The following CFAP61 variants were observed in gnomAD, a reference collection of about 807,000 sequenced individuals.
The protein encoded by CFAP61 is cilia and flagella associated protein 61, also known as cilia- and flagella-associated protein 61.
CFAP61 carries 107 observed loss-of-function variants against 135.6 expected under a neutral mutation model. The ratio of observed to expected loss-of-function variants is 0.79; its 90% CI spans 0.67 to 0.93. The LOEUF is 0.93. CFAP61 is among the 40% of genes least tolerant of loss of function. The pLI is 0.00. For missense variants in CFAP61, 1,507 were observed against 1,556.2 expected (o/e 0.97, Z 0.53); for synonymous variants, 575 against 578.5 (o/e 0.99, Z 0.09).
intron 25 of CFAP61, among the ~76,000 whole-genome samples, chr20:20,335,290 T>G (rs536293038): frequency 6.6e-6 from 1 of 152,334 alleles, no homozygotes; most frequent in Admixed American, 6.5e-5. Context: ...TTTCATAAAT[T>G]TAAGAAAAGA....
intron 13 of CFAP61, among the ~76,000 whole-genome samples, chr20:20,186,680 T>C (rs1236803525): frequency 6.6e-6 from 1 of 152,222 alleles, no homozygotes; most frequent in Admixed American, 6.5e-5. Flanking sequence ...ATTGTTCATC[T>C]TTTTATTAGT....
chr20:20,225,220 T>G (rs937428916), intron 17 of CFAP61: 2 of 152,200 alleles, frequency 1.3e-5, no homozygotes, highest in Non-Finnish European at 2.9e-5. Flanking sequence ...GTTTCCAGGC[T>G]GGGAAGAATT....
intron 25 of CFAP61, among the ~76,000 whole-genome samples, chr20:20,341,021 G>C (rs539231443): frequency 6.6e-6 from 1 of 152,194 alleles, no homozygotes; most frequent in South Asian, 2.1e-4. Flanking sequence ...GCCCATTCAC[G>C]TGGGGGCACC....
At chr20:20,205,516 A>G (rs747525332) in intron 17 of CFAP61, among the ~76,000 whole-genome samples, 1 of 152,250 alleles carries the variant, frequency 6.6e-6, no homozygotes, top group Non-Finnish European at 1.5e-5. Context: ...GAAAAGGAAT[A>G]TGGCTTGATA....
chr20:20,353,146 TG>T (rs2058908293), intron 26 of CFAP61, among the ~76,000 whole-genome samples: 1 of 152,210 alleles, frequency 6.6e-6, no homozygotes. Flanking sequence ...GTAACATTGA[TG>T]AGGAAAACAA....
intron 25 of CFAP61, among the ~76,000 whole-genome samples, chr20:20,310,136 G>A (rs1428057245): frequency 1.3e-5 from 2 of 152,090 alleles, no homozygotes; most frequent in African/African-American, 4.8e-5. Flanking sequence ...CTGGGTAGCA[G>A]GCATGTGCTA....
At chr20:20,299,850 CTG>C (rs2055940808) in intron 25 of CFAP61, among the ~76,000 whole-genome samples, 1 of 152,216 alleles carries the variant, frequency 6.6e-6, no homozygotes, top group African/African-American at 2.4e-5. Flanking sequence ...GTTGTGAACA[CTG>C]TGGACGTACT....
chr20:20,154,417 C>T (rs1385859756), intron 9 of CFAP61, among the ~76,000 whole-genome samples: 6 of 152,048 alleles, frequency 3.9e-5, no homozygotes, highest in East Asian at 1.9e-4. Flanking sequence ...GGCCAACTGT[C>T]GCTATTCACT....
intron 26 of CFAP61, among the ~76,000 whole-genome samples, chr20:20,348,817 CT>C (rs1388869296): frequency 9.7e-6 from 1 of 103,452 alleles, no homozygotes; most frequent in Non-Finnish European, 2.1e-5. Flanking sequence ...AAAAAACAAA[CT>C]GTCAATAGAA....
chr20:20,293,561 C>T (rs1291064227), intron 24 of CFAP61, among the ~76,000 whole-genome samples: 2 of 152,072 alleles, frequency 1.3e-5, no homozygotes, highest in Non-Finnish European at 2.9e-5. Flanking sequence ...AAGAATGGAG[C>T]CCATTGAACA....
At position 20,059,531 on chromosome 20, in the gene CFAP61, T is replaced by C. The variant is rs532681470; in HGVS notation, c.143+2735T>C. 3.6e-4 allele frequency among the ~76,000 whole-genome samples: 55 copies of C among 151,716 alleles called. No homozygotes were observed. The South Asian group carries it at 0.011, about 31-fold the overall frequency. ...TACTCAGGAGGCTGAGGCAGGAGAA[T>C]CGCTTGAACCTGGGAGGTGGAGGTT... On this transcript the variant is annotated intron_variant, in intron 2 of 26. Coordinates refer to ENST00000245957, the MANE Select transcript of CFAP61 (RefSeq NM_015585.4).
rs1397098861 is a variant in CFAP61 at position 20,158,349 on chromosome 20, G to T, written c.952-1021G>T. On this transcript the variant is annotated intron_variant, in intron 9 of 26. Transcript: ENST00000245957. Reference sequence around the variant, plus strand: ...ATTAAATTACACCAAGTGGACCTTTGAAAAAAAAAAAAAAAAAAAGATTTG... The same window carrying T: ...ATTAAATTACACCAAGTGGACCTTTTAAAAAAAAAAAAAAAAAAAGATTTG... 1.6e-4 allele frequency among the ~76,000 whole-genome samples: 16 copies of T among 101,804 alleles called. No individual in the cohort carries two copies. The East Asian group carries it at 4.1e-3, about 26-fold the overall frequency. The allele number at this position is 101,804 out of a possible 152,430, so 66.8% of individuals were successfully genotyped here. A position where few individuals can be genotyped will look rare whatever the true frequency, so the allele number is the denominator to read the frequency against.
intron 25 of CFAP61, among the ~76,000 whole-genome samples, chr20:20,301,665 G>T (rs973440102): frequency 1.3e-5 from 2 of 152,152 alleles, no homozygotes; most frequent in Non-Finnish European, 2.9e-5. Context: ...GGCAGTTTCT[G>T]TGAAATGCCA....
chr20:20,224,999 G>A (rs2048637543), intron 17 of CFAP61, among the ~76,000 whole-genome samples: 1 of 152,174 alleles, frequency 6.6e-6, no homozygotes. Context: ...TTTGGCAGAT[G>A]TTCAGAGGGA....
At chr20:20,060,045 C>A (rs2044679796) in intron 2 of CFAP61, among the ~76,000 whole-genome samples, 1 of 148,664 alleles carries the variant, frequency 6.7e-6, no homozygotes, top group African/African-American at 2.5e-5. Flanking sequence ...CAAAACACTC[C>A]AGTTAAAAAG....
intron 9 of CFAP61, among the ~76,000 whole-genome samples, chr20:20,145,380 G>C (rs1184086316): frequency 1.3e-5 from 2 of 152,036 alleles, no homozygotes; most frequent in African/African-American, 4.8e-5. Context: ...CAGATTCAAA[G>C]AGTTATATCT....
intron 15 of CFAP61, among the ~76,000 whole-genome samples, chr20:20,191,892 A>G (rs2055947924): frequency 6.6e-6 from 1 of 151,786 alleles, no homozygotes; most frequent in African/African-American, 2.4e-5. Flanking sequence ...TTCCCTTTTG[A>G]TTTTAAAATG....
chr20:20,134,025 G>A (rs1600857342), intron 8 of CFAP61, among the ~76,000 whole-genome samples: 5 of 152,142 alleles, frequency 3.3e-5, no homozygotes, highest in South Asian at 4.2e-4. Context: ...TAGACTTTAG[G>A]AACATAGTCT....
Position 20,263,014 on chromosome 20 carries a change from A to G in CFAP61, c.2387A>G (p.Asn796Ser), listed in dbSNP as rs2052393400. 6.2e-7 allele frequency: 1 copy of G among 1,613,912 alleles called. No individual in the cohort carries two copies. The highest frequency in any genetic ancestry group is 1.3e-5 in the African/African-American group (1 of 74,892). The change falls in exon 21 of 27, where the codon AAC (asparagine) becomes AGC (serine). Residue 796 changes from asparagine to serine, a missense_variant. Transcript: ENST00000245957. ...CACCTGACAAACAGGGAGGTTCCCA[A>G]CAGCAGTCAGCGGCGGTACACGGGG... ...SQHLTNREVP[N>S]SSQRRYTGKV...
Sources: allele counts gnomAD v4.1 joint callset (sites outside exome capture counted in the v4.1 genomes callset), GRCh38; gene constraint gnomAD v4.1.1; transcripts MANE v1.5; gene names NCBI Gene and HGNC (gene_info 2026-07-23, HGNC 2026-07-21).